The following DNAI2 variants were observed in gnomAD, a reference collection of about 807,000 sequenced individuals.
The protein encoded by DNAI2 is dynein axonemal intermediate chain 2, also known as dynein, axonemal, intermediate polypeptide 2.
In DNAI2, 63 loss-of-function variants were observed where a neutral mutation model predicts 74.7. The ratio of observed to expected loss-of-function variants is 0.84; its 90% CI spans 0.69 to 1.04. The LOEUF (loss-of-function observed/expected upper bound fraction) is 1.04, where lower values mean the gene tolerates loss of function less well. Ranked by LOEUF, DNAI2 falls within the 50% of genes least tolerant of loss-of-function variation. The pLI is 0.00. For missense variants in DNAI2, 688 were observed against 803.2 expected (o/e 0.86, Z 1.73); for synonymous variants, 289 against 314.9 (o/e 0.92, Z 0.87).
chr17:74,307,662 CA>C (rs960526216), intron 9 of DNAI2, among the ~76,000 whole-genome samples: 14 of 138,214 alleles, frequency 1.0e-4, no homozygotes, highest in Admixed American at 2.9e-4. Context: ...GACTCCGTCT[CA>C]AAAAAAAATA....
chr17:74,299,413 C>T (rs557668070), intron 6 of DNAI2, among the ~76,000 whole-genome samples: 196 of 152,294 alleles, frequency 1.3e-3, no homozygotes, highest in Middle Eastern at 3.4e-3. Flanking sequence ...CCTGACCACC[C>T]TCATGTGTTC....
chr17:74,277,947 T>A (rs748184664), intron 1 of DNAI2, among the ~76,000 whole-genome samples: 7 of 152,198 alleles, frequency 4.6e-5, no homozygotes, highest in Non-Finnish European at 7.3e-5. Context: ...AAGCATATAC[T>A]GATGAGAGAT....
intron 11 of DNAI2, among the ~76,000 whole-genome samples, chr17:74,311,733 A>G (rs1052806014): frequency 6.6e-6 from 1 of 152,182 alleles, no homozygotes; most frequent in Non-Finnish European, 1.5e-5. Context: ...AAGCCGCCAT[A>G]TTTCATAGCT....
chr17:74,288,981 T>C (rs2143936218), intron 4 of DNAI2, among the ~76,000 whole-genome samples: 1 of 152,258 alleles, frequency 6.6e-6, no homozygotes, highest in Admixed American at 6.5e-5. Context: ...AGATCCCAGC[T>C]CTGGGGAATT....
At chr17:74,306,383 T>A (rs2053193161) in intron 9 of DNAI2, among the ~76,000 whole-genome samples, 1 of 152,134 alleles carries the variant, frequency 6.6e-6, no homozygotes, top group Non-Finnish European at 1.5e-5. Flanking sequence ...AAGCCCGAAT[T>A]CTAACCACCC....
At chr17:74,279,609 C>T (rs141836809) in intron 1 of DNAI2, among the ~76,000 whole-genome samples, 98 of 152,296 alleles carry the variant, frequency 6.4e-4, no homozygotes, top group African/African-American at 1.1e-3. Context: ...CTCACTGCAA[C>T]GTCTACCTTC....
At chr17:74,286,919 T>C (rs2143920127) in intron 3 of DNAI2, 58 bp from the exon 4 acceptor site, 1 of 1,612,476 alleles carries the variant, frequency 6.2e-7, no homozygotes, top group Admixed American at 1.7e-5. Context: ...ATTGCAGGCC[T>C]GGGCAATCTG....
rs967663839 is a variant in DNAI2, at chr17:74,293,984, T to C, written c.724+2851T>C. 2.2e-4 allele frequency among the ~76,000 whole-genome samples: 33 copies of C among 152,012 alleles called. 1 individual carries two copies. The highest frequency in any genetic ancestry group is 7.5e-4 in the African/African-American group (31 of 41,504). On this transcript the variant is annotated intron_variant, in intron 6 of 13. Coordinates refer to ENST00000311014, the MANE Select transcript of DNAI2 (RefSeq NM_023036.6). ...GTTTTGGAGAGATGAGGTTTTACCA[T>C]GTTGGCCAGGCTGATCTCGAACTCC...
intron 6 of DNAI2, among the ~76,000 whole-genome samples, chr17:74,298,333 C>T (rs1019602513): frequency 5.9e-5 from 9 of 152,106 alleles, no homozygotes; most frequent in African/African-American, 2.2e-4. Flanking sequence ...TTGAGACAGC[C>T]TTGCTTTGTT....
At chr17:74,281,736 T>TGGCA (rs756837428) in intron 1 of DNAI2, 71 bp from the exon 2 acceptor site, 43 of 1,506,332 alleles carry the variant, frequency 2.9e-5, no homozygotes, top group Non-Finnish European at 3.8e-5. Flanking sequence ...GGAGCTGTCC[T>TGGCA]GGCAGGACCT....
Position 74,285,942 on chromosome 17 carries a change from CAT to C in DNAI2, c.345+745_345+746del, listed in dbSNP as rs1216028959. On this transcript the variant is annotated intron_variant, in intron 3 of 13. Transcript: ENST00000311014. ...AGGACAGGAAGAAGGAGATGAGTGC[CAT>C]ATACACACACACACATATATATATA... 1.0e-4 allele frequency among the ~76,000 whole-genome samples: 10 copies of C among 97,684 alleles called. No individual in the cohort carries two copies. The Admixed American group carries it at 1.2e-3, about 11-fold the overall frequency. The allele number at this position is 97,684 out of a possible 152,430, so 64.1% of individuals were successfully genotyped here. A position where few individuals can be genotyped will look rare whatever the true frequency, so the allele number is the denominator to read the frequency against.
Position 74,300,138 on chromosome 17 carries a change from G to T in DNAI2, c.864+281G>T, listed in dbSNP as rs969002736. Among the ~76,000 whole-genome samples, 1 of 152,154 alleles carries T rather than the reference G, an allele frequency of 6.6e-6. No homozygotes were observed. The highest frequency in any genetic ancestry group is 1.5e-5 in the Non-Finnish European group (1 of 68,028). On this transcript the variant is annotated intron_variant, in intron 7 of 13. Transcript: ENST00000311014. The surrounding 1 kb of genome is among the most constrained non-coding windows in gnomAD (Gnocchi z 4.5). ...TAATTTTTTATTTTTAGTAGAGATGGTGCTTCACTATGTTGGCCAGGCTGG... is the reference window on the plus strand; with the variant it reads ...TAATTTTTTATTTTTAGTAGAGATGTTGCTTCACTATGTTGGCCAGGCTGG...
At position 74,291,170 on chromosome 17, in the gene DNAI2, A is replaced by T. The variant is rs369278280; in HGVS notation, c.724+37A>T. 343 of 1,512,948 alleles carry T rather than the reference A, an allele frequency of 2.3e-4. No homozygotes were observed. The East Asian group carries it at 6.4e-3, about 28-fold the overall frequency. The allele number at this position is 1,512,948 out of a possible 1,614,324, so 93.7% of individuals were successfully genotyped here. On this transcript the variant is annotated intron_variant, in intron 6 of 13. Transcript: ENST00000311014. ...CCTAGGCTTTTTTATTTTTATTTTT[A>T]TTTTTTTTAGATGGAATTTTGCTCT...
In DNAI2 at chr17:74,314,766, G is replaced by A. The variant is rs924908034; in HGVS notation, c.*233G>A. 7 of 176,560 alleles carry A rather than the reference G, an allele frequency of 4.0e-5. No individual in the cohort carries two copies. The highest frequency in any genetic ancestry group is 3.8e-4 in the South Asian group (3 of 7,834). The allele number at this position is 176,560 out of a possible 1,614,324, so 10.9% of individuals were successfully genotyped here. Reference sequence around the variant, plus strand: ...CCTGACCATTTGGACACATTGCCACGACAGGAGCCTCCAAGTATGTGGGAG... The same window carrying A: ...CCTGACCATTTGGACACATTGCCACAACAGGAGCCTCCAAGTATGTGGGAG... On this transcript the variant is annotated 3_prime_UTR_variant, in exon 14 of 14. Transcript: ENST00000311014.
chr17:74,274,989 T>C (rs9912615), intron 1 of DNAI2, among the ~76,000 whole-genome samples: 28,896 of 152,098 alleles, frequency 0.19, 3,125 homozygotes, highest in African/African-American at 0.29. Context: ...ACCCTATGTG[T>C]TTTCCTCTCG....
Position 74,291,089 on chromosome 17 carries a change from A to G in DNAI2, c.680A>G (p.Lys227Arg), listed in dbSNP as rs759166271. The change falls in exon 6 of 14, where the codon AAA (lysine) becomes AGA (arginine). Residue 227 changes from lysine (K) to arginine (R), a missense_variant. Coordinates refer to ENST00000311014, the MANE Select transcript of DNAI2 (RefSeq NM_023036.6). ...SPLVTLEFNP[K>R]DSHVLLGGCY... ...CTCGTGACGTTGGAGTTCAACCCCAAAGATTCCCACGTACTCCTGGGTGGC... is the reference window on the plus strand; with the variant it reads ...CTCGTGACGTTGGAGTTCAACCCCAGAGATTCCCACGTACTCCTGGGTGGC... The G allele has an allele frequency of 9.9e-6, 16 of 1,614,160 alleles. No individual in the cohort carries two copies. Among genetic ancestry groups the G allele is most frequent in the Middle Eastern group, 1.6e-4 (1 of 6,062 alleles).
chr17:74,310,857 T>C (rs2053485175), intron 11 of DNAI2, among the ~76,000 whole-genome samples: 1 of 150,670 alleles, frequency 6.6e-6, no homozygotes. Flanking sequence ...TTTATTTATT[T>C]TTATTTTATC....
rs201925425 is a variant in DNAI2, at chr17:74,312,137, G to A, written c.1629G>A (p.Ala543=). 1.5e-4 allele frequency: 245 copies of A among 1,613,810 alleles called. No individual in the cohort carries two copies. The highest frequency in any genetic ancestry group is 4.3e-4 in the African/African-American group (32 of 75,024). ...TDEELAVDLE[A]LVSKAEEEFF... ...AGGAGCTGGCCGTAGACCTGGAGGC[G>A]CTGGTCAGCAAGGCCGAGGAGGAGT... Residue 543 remains alanine, a synonymous_variant, in exon 12 of 14, where the codon GCG becomes GCA. Coordinates refer to ENST00000311014, the MANE Select transcript of DNAI2 (RefSeq NM_023036.6).
chr17:74,288,380 A>G (rs1385536822), intron 4 of DNAI2, among the ~76,000 whole-genome samples: 1 of 152,170 alleles, frequency 6.6e-6, no homozygotes, highest in Non-Finnish European at 1.5e-5. Flanking sequence ...CCAACTTACT[A>G]TGGGTTTATC....
Sources: gnomAD v4.1 joint callset for allele counts (sites outside exome capture counted in the v4.1 genomes callset) on GRCh38, gnomAD v4.1.1 for gene constraint, Gnocchi (gnomAD v3.1) non-coding constraint, MANE v1.5 for transcripts, NCBI Gene and HGNC (gene_info 2026-07-23, HGNC 2026-07-21) for gene names.